CACNA1H: variants seen among roughly 807,000 people sequenced by gnomAD.
CACNA1H encodes the protein calcium voltage-gated channel subunit alpha1 H.
CACNA1H carries 149 observed loss-of-function variants against 192.5 expected under a neutral mutation model. That is an observed-to-expected ratio of 0.77 (90% confidence interval 0.68 to 0.89). The LOEUF (loss-of-function observed/expected upper bound fraction) is 0.89, where lower values mean the gene tolerates loss of function less well. CACNA1H is among the 40% of genes least tolerant of loss of function. The pLI is 0.00. For synonymous variants in CACNA1H, 2,202 were observed against 1,475.2 expected (o/e 1.49, Z -11.29); for missense variants, 4,257 against 3,423.5 (o/e 1.24, Z -6.08).
At chr16:1,188,893 G>A (rs940758720) in intron 2 of CACNA1H, among the ~76,000 whole-genome samples, 1 of 152,208 alleles carries the variant, frequency 6.6e-6, no homozygotes, top group Admixed American at 6.5e-5. Context: ...ATGGACAGCA[G>A]CCGCTGCAGC....
intron 2 of CACNA1H, among the ~76,000 whole-genome samples, chr16:1,173,465 G>T (rs1964564032): frequency 6.6e-6 from 1 of 152,200 alleles, no homozygotes; most frequent in Non-Finnish European, 1.5e-5. Flanking sequence ...TCTCTCTCTC[G>T]CTATTTACTT....
intron 2 of CACNA1H, among the ~76,000 whole-genome samples, chr16:1,170,263 G>C (rs1486168052): frequency 1.3e-5 from 2 of 152,232 alleles, no homozygotes; most frequent in East Asian, 3.9e-4. Context: ...CTTTGTGAGG[G>C]GCGGGCCCCT....
At position 1,218,351 on chromosome 16, in the gene CACNA1H, C is replaced by T. The variant is rs1487082362; in HGVS notation, c.5587C>T (p.Leu1863=). The change falls in exon 33 of 35, where the codon CTG becomes TTG. Residue 1863 remains leucine (L), a synonymous_variant. Transcript: ENST00000348261. ...NVVVAVLMKH[L]EESNKEARED... is the part of the protein sequence containing the mutation. ...GGTGGTGGCCGTGCTCATGAAGCAC[C>T]TGGAGGAGAGCAACAAGGAGGCACG... The T allele has an allele frequency of 7.0e-6, 11 of 1,562,320 alleles. No homozygotes were observed. The highest frequency in any genetic ancestry group is 4.8e-5 in the East Asian group (2 of 41,670).
chr16:1,191,756 T>A (rs1274843408), intron 2 of CACNA1H, among the ~76,000 whole-genome samples: 1 of 85,724 alleles, frequency 1.2e-5, no homozygotes, highest in Admixed American at 1.1e-4. Context: ...TCAGGCACAC[T>A]CGGGGTCTCT....
rs1304766813 is a variant in CACNA1H at position 1,195,442 on chromosome 16, C to G, written c.422C>G (p.Ala141Gly). ...ERCNILEAFD[A>G]FIFAFFAVEM... Reference sequence around the variant, plus strand: ...TGCCTCCTCCCGCAGGCCTTTGACGCCTTCATTTTCGCCTTTTTTGCGGTG... The same window carrying G: ...TGCCTCCTCCCGCAGGCCTTTGACGGCTTCATTTTCGCCTTTTTTGCGGTG... Residue 141 changes from alanine to glycine, a missense_variant, in exon 4 of 35, where the codon GCC becomes GGC. Physicochemically the swap from Ala to Gly is moderately conservative, Grantham distance 60. Coordinates refer to ENST00000348261, the MANE Select transcript of CACNA1H (RefSeq NM_021098.3). 4 of 1,555,190 alleles carry G rather than the reference C, an allele frequency of 2.6e-6. No homozygotes were observed. The highest frequency in any genetic ancestry group is 3.5e-6 in the Non-Finnish European group (4 of 1,148,960).
chr16:1,154,079 G>A, intron 2 of CACNA1H, 43 bp downstream of exon 2: 3 of 796,984 alleles, frequency 3.8e-6, no homozygotes, highest in East Asian at 3.7e-5. Context: ...GGGGGGCGTG[G>A]GGAGGGTGGG....
intron 26 of CACNA1H, among the ~76,000 whole-genome samples, chr16:1,213,531 C>T (rs930803400): frequency 6.6e-6 from 1 of 152,062 alleles, no homozygotes; most frequent in Non-Finnish European, 1.5e-5. Context: ...CCAGCCCAGG[C>T]CTCCTGGCCT....
At chr16:1,190,670 C>A (rs573879452) in intron 2 of CACNA1H, among the ~76,000 whole-genome samples, 2 of 152,258 alleles carry the variant, frequency 1.3e-5, no homozygotes, top group Admixed American at 1.3e-4. Context: ...CCCTGCTATA[C>A]CACCGTCCCC....
intron 5 of CACNA1H, among the ~76,000 whole-genome samples, chr16:1,198,155 C>T (rs1321351788): frequency 2.0e-5 from 3 of 152,156 alleles, no homozygotes; most frequent in African/African-American, 7.2e-5. Context: ...GCTCCTGCTG[C>T]CTTGGTGGCA....
chr16:1,198,575 C>A, intron 5 of CACNA1H, 40 bp from the exon 6 acceptor site: 2 of 1,607,338 alleles, frequency 1.2e-6, no homozygotes, highest in Non-Finnish European at 8.5e-7. Flanking sequence ...GACACTCCTG[C>A]AGGGCTTAGC....
intron 5 of CACNA1H, among the ~76,000 whole-genome samples, chr16:1,196,466 G>C (rs1295027241): frequency 6.6e-6 from 1 of 152,194 alleles, no homozygotes; most frequent in Non-Finnish European, 1.5e-5. Flanking sequence ...ACCCACACAA[G>C]TGAGGGGAGA....
chr16:1,165,545 C>A (rs1963675882), intron 2 of CACNA1H, among the ~76,000 whole-genome samples: 1 of 152,212 alleles, frequency 6.6e-6, no homozygotes, highest in South Asian at 2.1e-4. Flanking sequence ...GCCCCCCTCC[C>A]CACCTGGCCT....
Position 1,206,390 on chromosome 16 carries a change from C to G in CACNA1H, c.2789+101C>G. On this transcript the variant is annotated intron_variant, in intron 12 of 34. Transcript: ENST00000348261. ...CCCGAAGGAGAAGGAGCCCTCCCAC[C>G]AGCAGCCCCAGAGCATCTGCAGACA... 9.2e-6 allele frequency: 10 copies of G among 1,092,042 alleles called. No homozygotes were observed. In the South Asian group the frequency reaches 1.5e-4, roughly 17 times the overall value. The allele number at this position is 1,092,042 out of a possible 1,614,324, so 67.6% of individuals were successfully genotyped here.
rs199547941 is a variant in CACNA1H at position 1,219,971 on chromosome 16, G to C, written c.6049-10G>C. 3 of 1,289,332 alleles carry C rather than the reference G, an allele frequency of 2.3e-6. No individual in the cohort carries two copies. Among genetic ancestry groups the C allele is most frequent in the Non-Finnish European group, 3.0e-6 (3 of 1,012,870 alleles). The allele number at this position is 1,289,332 out of a possible 1,614,324, so 79.9% of individuals were successfully genotyped here. A position where few individuals can be genotyped will look rare whatever the true frequency, so the allele number is the denominator to read the frequency against. On this transcript the variant is annotated splice_polypyrimidine_tract_variant and intron_variant, in intron 34 of 34. Transcript: ENST00000348261. ...GCCCCGCCCCTCACTTTGACTCTAC[G>C]CCCCCACAGGAGGCTGTGCACACCG...
intron 2 of CACNA1H, among the ~76,000 whole-genome samples, chr16:1,189,726 G>A (rs1427175484): frequency 6.6e-6 from 1 of 152,110 alleles, no homozygotes; most frequent in African/African-American, 2.4e-5. Context: ...CCCAGCCTGA[G>A]AGCACTGATT....
chr16:1,213,451 C>T (rs1969691104), intron 26 of CACNA1H, among the ~76,000 whole-genome samples: 1 of 152,112 alleles, frequency 6.6e-6, no homozygotes, highest in African/African-American at 2.4e-5. Context: ...ATACCCACTC[C>T]TGGGGGCTGC....
chr16:1,218,190 A>C lies in CACNA1H; in HGVS notation c.5446-20A>C. The C allele has an allele frequency of 6.5e-7, 1 of 1,544,426 alleles. No individual in the cohort carries two copies. On this transcript the variant is annotated intron_variant, in intron 32 of 34. Coordinates refer to ENST00000348261, the MANE Select transcript of CACNA1H (RefSeq NM_021098.3). ...CGCGGGTGGGTGTGGACCCCGGCCC[A>C]CAGCTGTCCCCCACCGCAGGACACG...
intron 2 of CACNA1H, among the ~76,000 whole-genome samples, chr16:1,185,067 C>A (rs189745471): frequency 2.0e-5 from 3 of 152,216 alleles, no homozygotes; most frequent in Non-Finnish European, 4.4e-5. Flanking sequence ...GTCTCTACCC[C>A]GCTTTGTCTC....
At chr16:1,200,222 T>A (rs749878726) in intron 6 of CACNA1H, 34 bp from the exon 7 acceptor site, 2 of 1,549,440 alleles carry the variant, frequency 1.3e-6, no homozygotes, top group Admixed American at 1.9e-5. Context: ...TGACCCTGAT[T>A]GTACCTTTTG....
Sources: allele counts gnomAD v4.1 joint callset (sites outside exome capture counted in the v4.1 genomes callset), GRCh38; gene constraint gnomAD v4.1.1; transcripts MANE v1.5; gene names NCBI Gene and HGNC (gene_info 2026-07-23, HGNC 2026-07-21).